CDH12: variants seen among roughly 807,000 people sequenced by gnomAD.
CDH12 encodes the protein cadherin-12.
CDH12 carries 41 observed loss-of-function variants against 74.1 expected under a neutral mutation model. The ratio of observed to expected loss-of-function variants is 0.55; its 90% CI spans 0.43 to 0.72. CDH12 has a LOEUF of 0.72. CDH12 is among the 30% of genes least tolerant of loss of function. The pLI is 0.00. For synonymous variants in CDH12, 399 were observed against 355.0 expected, an observed-to-expected ratio of 1.12 and a Z score of -1.39; for missense variants, 945 against 977.2, an observed-to-expected ratio of 0.97 and a Z score of 0.44.
At chr5:21,967,808 T>C (rs1453103827) in intron 6 of CDH12, among the ~76,000 whole-genome samples, 2 of 152,256 alleles carry the variant, frequency 1.3e-5, no homozygotes, top group African/African-American at 4.8e-5. Context: ...TAACATCCTA[T>C]GGCCCTGAAA....
chr5:22,373,870 A>G (rs1335703107), intron 3 of CDH12, among the ~76,000 whole-genome samples: 1 of 152,240 alleles, frequency 6.6e-6, no homozygotes, highest in African/African-American at 2.4e-5. Context: ...GTAAGGTCAC[A>G]GGAAACATGA....
intron 1 of CDH12, among the ~76,000 whole-genome samples, chr5:22,848,186 C>T (rs1198716917): frequency 6.6e-6 from 1 of 152,100 alleles, no homozygotes; most frequent in Non-Finnish European, 1.5e-5. Flanking sequence ...ACATGTTAAC[C>T]TTTTGAAATA....
intron 1 of CDH12, among the ~76,000 whole-genome samples, chr5:22,511,680 T>C (rs971042370): frequency 6.6e-6 from 1 of 152,210 alleles, no homozygotes; most frequent in African/African-American, 2.4e-5. Context: ...CCATTTGGAA[T>C]ATCTACTAAA....
chr5:22,540,980 T>C (rs1249460203), intron 1 of CDH12, among the ~76,000 whole-genome samples: 2 of 152,190 alleles, frequency 1.3e-5, no homozygotes, highest in Non-Finnish European at 2.9e-5. Context: ...ATGTAGAAAA[T>C]AATCTCACTC....
chr5:21,849,793 C>G (rs1033187761), intron 7 of CDH12, among the ~76,000 whole-genome samples: 5 of 151,708 alleles, frequency 3.3e-5, no homozygotes, highest in Admixed American at 2.6e-4. Flanking sequence ...CCAGCAATCC[C>G]TTTTCTGGGT....
chr5:22,741,225 C>T (rs1745010030), intron 1 of CDH12, among the ~76,000 whole-genome samples: 2 of 152,042 alleles, frequency 1.3e-5, no homozygotes, highest in South Asian at 2.1e-4. Flanking sequence ...ATGAAACATA[C>T]CCACAAAATC....
chr5:21,760,887 A>G (rs1744683036), intron 12 of CDH12, among the ~76,000 whole-genome samples: 1 of 152,210 alleles, frequency 6.6e-6, no homozygotes, highest in Non-Finnish European at 1.5e-5. Context: ...AACATGGGCT[A>G]ATTTCAAATT....
intron 4 of CDH12, among the ~76,000 whole-genome samples, chr5:22,187,425 T>A (rs1750020674): frequency 6.6e-6 from 1 of 152,142 alleles, no homozygotes; most frequent in Admixed American, 6.6e-5. Flanking sequence ...ACTGAAAGTT[T>A]TTCTTTCATG....
At chr5:22,505,436 TAC>T in intron 1 of CDH12, 72 bp from the exon 2 acceptor site, 1 of 534,760 alleles carries the variant, frequency 1.9e-6, no homozygotes, top group Non-Finnish European at 2.4e-6. Context: ...AGAATATTTT[TAC>T]ATTTTCTTAA....
chr5:22,092,269 G>T (rs1165008708), intron 4 of CDH12, among the ~76,000 whole-genome samples: 1 of 151,914 alleles, frequency 6.6e-6, no homozygotes, highest in Non-Finnish European at 1.5e-5. Flanking sequence ...AGACAAGCTG[G>T]ACTTTAGGAA....
Position 21,975,498 on chromosome 5 carries a change from A to G in CDH12, c.232-113T>C, listed in dbSNP as rs541267301. On this transcript the variant is annotated intron_variant, in intron 5 of 14. Coordinates refer to ENST00000382254, the MANE Select transcript of CDH12 (RefSeq NM_004061.5). ...CATAATTTGCAATACAATTCCTTTA[A>G]TCAAAAATGTTAAATAAAAATCTTA... The G allele has an allele frequency of 5.8e-4, 379 of 656,004 alleles. 4 individuals are homozygous for G. In the African/African-American group the frequency reaches 6.6e-3, roughly 11 times the overall value. The allele number at this position is 656,004 out of a possible 1,614,324, so 40.6% of individuals were successfully genotyped here. A position where few individuals can be genotyped will look rare whatever the true frequency, so the allele number is the denominator to read the frequency against.
At chr5:22,404,611 T>C (rs192573449) in intron 3 of CDH12, among the ~76,000 whole-genome samples, 71 of 152,284 alleles carry the variant, frequency 4.7e-4, no homozygotes, top group Non-Finnish European at 8.5e-4. Context: ...GTAAAATGAA[T>C]CTCATGCATC....
chr5:21,843,859 G>A (rs746186374), intron 7 of CDH12, among the ~76,000 whole-genome samples: 1 of 152,040 alleles, frequency 6.6e-6, no homozygotes, highest in Non-Finnish European at 1.5e-5. Flanking sequence ...GACATACAAT[G>A]CTTATGTTTT....
chr5:22,776,756 C>T (rs776345358), intron 1 of CDH12, among the ~76,000 whole-genome samples: 1 of 152,130 alleles, frequency 6.6e-6, no homozygotes, highest in East Asian at 1.9e-4. Flanking sequence ...GTTCAGTTTA[C>T]AACCTTATGT....
intron 6 of CDH12, among the ~76,000 whole-genome samples, chr5:21,944,231 T>G (rs1449913379): frequency 1.3e-5 from 2 of 152,196 alleles, no homozygotes; most frequent in Non-Finnish European, 2.9e-5. Flanking sequence ...AGTTTAGTGC[T>G]CCTATGTATT....
At chr5:22,543,439 G>A (rs1273019147) in intron 1 of CDH12, among the ~76,000 whole-genome samples, 3 of 151,940 alleles carry the variant, frequency 2.0e-5, no homozygotes, top group Non-Finnish European at 1.5e-5. Context: ...ATTGTATGAC[G>A]CTACTTTAAA....
chr5:22,390,856 G>A (rs1031179035), intron 3 of CDH12, among the ~76,000 whole-genome samples: 3 of 152,032 alleles, frequency 2.0e-5, no homozygotes, highest in South Asian at 2.1e-4. Flanking sequence ...GTCCAATGCC[G>A]GTGGGAACAT....
chr5:21,902,175 G>T (rs1441150533), intron 6 of CDH12, among the ~76,000 whole-genome samples: 1 of 151,832 alleles, frequency 6.6e-6, no homozygotes, highest in Non-Finnish European at 1.5e-5. Flanking sequence ...ATTATGAAGG[G>T]AGACTTGCAA....
At chr5:22,465,659 C>T (rs1350265653) in intron 2 of CDH12, among the ~76,000 whole-genome samples, 1 of 151,932 alleles carries the variant, frequency 6.6e-6, no homozygotes, top group East Asian at 1.9e-4. Context: ...AACAAACAAA[C>T]AAAAAACATG....
Sources: allele counts gnomAD v4.1 joint callset (sites outside exome capture counted in the v4.1 genomes callset), GRCh38; gene constraint gnomAD v4.1.1; transcripts MANE v1.5; gene names NCBI Gene and HGNC (gene_info 2026-07-23, HGNC 2026-07-21).